The following DIS3L2 variants were observed in gnomAD, a reference collection of about 807,000 sequenced individuals.
The protein encoded by DIS3L2 is DIS3-like exonuclease 2.
DIS3L2 carries 34 observed loss-of-function variants against 97.5 expected under a neutral mutation model. The observed-to-expected ratio is 0.35, with a 90% CI of 0.27 to 0.46. The LOEUF (loss-of-function observed/expected upper bound fraction) is 0.46, where lower values mean the gene tolerates loss of function less well. Ranked by LOEUF, DIS3L2 falls within the 20% of genes least tolerant of loss-of-function variation. The probability of loss-of-function intolerance (pLI) is 1.00; values close to 1 mark genes in which losing one functional copy is unlikely to be tolerated. For synonymous variants in DIS3L2, 435 were observed against 445.2 expected, an observed-to-expected ratio of 0.98 and a Z score of 0.29; for missense variants, 1,038 against 1,146.0, an observed-to-expected ratio of 0.91 and a Z score of 1.36.
chr2:231,986,987 A>G (rs904082235), intron 1 of DIS3L2, among the ~76,000 whole-genome samples: 5 of 152,230 alleles, frequency 3.3e-5, no homozygotes, highest in African/African-American at 1.2e-4. Flanking sequence ...TTAGGTCTGC[A>G]TCTGATTAAC....
chr2:232,187,113 G>T (rs575868456), intron 9 of DIS3L2, among the ~76,000 whole-genome samples: 1 of 152,118 alleles, frequency 6.6e-6, no homozygotes, highest in East Asian at 1.9e-4. Context: ...AAATGGGCAA[G>T]AATTTTAAGA....
Position 232,228,952 on chromosome 2 carries a change from T to C in DIS3L2, c.1205-9581T>C, listed in dbSNP as rs190833654. On this transcript the variant is annotated intron_variant, in intron 10 of 20. Coordinates refer to ENST00000325385, the MANE Select transcript of DIS3L2 (RefSeq NM_152383.5). ...TTTATCCTTATTGCTTTTCCTGCCT[T>C]TGAAAACTGAAAACATTACAAAAGT... is the stretch of plus-strand genomic sequence containing the variant. 2.6e-4 allele frequency among the ~76,000 whole-genome samples: 39 copies of C among 152,348 alleles called. No homozygotes were observed. The East Asian group carries it at 6.9e-3, about 27-fold the overall frequency.
chr2:232,155,324 C>T (rs1003346265), intron 8 of DIS3L2, among the ~76,000 whole-genome samples: 1 of 152,064 alleles, frequency 6.6e-6, no homozygotes, highest in African/African-American at 2.4e-5. Flanking sequence ...CTTTTGTCCT[C>T]CCTCCTCCTC....
At chr2:232,329,785 T>TGCCCGGGGGGGCCCCCCCCCC in intron 14 of DIS3L2, 28 bp from the exon 15 acceptor site, 1 of 967,144 alleles carries the variant, frequency 1.0e-6, no homozygotes, top group Non-Finnish European at 1.5e-6. Context: ...ACCCCAGCGG[T>TGCCCGGGGGGGCCCCCCCCCC]CCCTCCCATC....
At chr2:232,220,538 G>A (rs960675171) in intron 10 of DIS3L2, among the ~76,000 whole-genome samples, 5 of 151,756 alleles carry the variant, frequency 3.3e-5, no homozygotes, top group Non-Finnish European at 5.9e-5. Flanking sequence ...GAAACCCCAT[G>A]TCTACTAAAA....
chr2:232,030,655 A>T (rs1694780334), intron 5 of DIS3L2, among the ~76,000 whole-genome samples: 1 of 152,198 alleles, frequency 6.6e-6, no homozygotes, highest in Non-Finnish European at 1.5e-5. Context: ...TTGGAAAGGA[A>T]GATATGGTTT....
intron 1 of DIS3L2, among the ~76,000 whole-genome samples, chr2:232,006,875 T>G (rs1405638704): frequency 6.6e-6 from 1 of 152,088 alleles, no homozygotes; most frequent in South Asian, 2.1e-4. Flanking sequence ...ACAAGCAAAC[T>G]GAGAGAATGC....
chr2:232,295,402 C>T (rs1282629660), intron 13 of DIS3L2, among the ~76,000 whole-genome samples: 5 of 152,196 alleles, frequency 3.3e-5, no homozygotes, highest in African/African-American at 1.2e-4. Flanking sequence ...TTACTGTTAT[C>T]GCTGCCCATC....
intron 5 of DIS3L2, among the ~76,000 whole-genome samples, chr2:232,048,789 G>A (rs1186515907): frequency 6.6e-6 from 1 of 151,998 alleles, no homozygotes; most frequent in Non-Finnish European, 1.5e-5. Context: ...GTTGAAGGAG[G>A]TTGTTTATTA....
intron 12 of DIS3L2, among the ~76,000 whole-genome samples, chr2:232,257,616 C>A (rs1391052563): frequency 1.3e-5 from 2 of 152,224 alleles, no homozygotes; most frequent in African/African-American, 4.8e-5. Flanking sequence ...CCCGGAGCTC[C>A]TGCAAAAGTG....
chr2:232,204,476 C>T (rs758015570), intron 9 of DIS3L2, among the ~76,000 whole-genome samples: 9 of 152,132 alleles, frequency 5.9e-5, no homozygotes, highest in South Asian at 2.1e-4. Context: ...CCTTCAGTCA[C>T]GTGCCTTCAG....
In DIS3L2 at chr2:232,163,471, G is replaced by C; in HGVS notation, c.963G>C (p.Lys321Asn). 6.2e-7 allele frequency: 1 copy of C among 1,613,954 alleles called. No homozygotes were observed. The highest frequency in any genetic ancestry group is 1.3e-5 in the African/African-American group (1 of 75,042). ...DCNFALGQLA[K>N]SLGQAGEIEP... Reference sequence around the variant, plus strand: ...GTTCTATCCATAGGCAGCTGGCTAAGAGTCTTGGGCAGGCTGGTGAAATTG... The same window carrying C: ...GTTCTATCCATAGGCAGCTGGCTAACAGTCTTGGGCAGGCTGGTGAAATTG... Residue 321 changes from lysine to asparagine, a missense_variant, in exon 9 of 21, where the codon AAG (lysine) becomes AAC (asparagine). Physicochemically the swap from Lys to Asn is moderately conservative, Grantham distance 94. Around this residue, in one of 3 missense-constraint regions of DIS3L2, gnomAD observed 813 missense variants for 880.1 expected, o/e 0.92. Coordinates refer to ENST00000325385, the MANE Select transcript of DIS3L2 (RefSeq NM_152383.5).
intron 11 of DIS3L2, among the ~76,000 whole-genome samples, chr2:232,244,927 T>C (rs143537022): frequency 2.6e-3 from 398 of 152,270 alleles, no homozygotes; most frequent in Non-Finnish European, 3.9e-3. Flanking sequence ...TCTCTGTCAC[T>C]GCTCAGTGAG....
chr2:232,337,442 G>C (rs1482793559), downstream of DIS3L2, among the ~76,000 whole-genome samples: 1 of 152,122 alleles, frequency 6.6e-6, no homozygotes, highest in African/African-American at 2.4e-5. Context: ...GGGCCTGGGG[G>C]AGGGGAGGAG....
At chr2:232,106,746 G>A (rs1347575299) in intron 6 of DIS3L2, among the ~76,000 whole-genome samples, 1 of 152,208 alleles carries the variant, frequency 6.6e-6, no homozygotes, top group Non-Finnish European at 1.5e-5. Context: ...TCTGGATCAA[G>A]TGGACCTGAT....
At chr2:232,077,951 C>CTTTT (rs756033797) in intron 5 of DIS3L2, among the ~76,000 whole-genome samples, 543 of 143,362 alleles carry the variant, frequency 3.8e-3, no homozygotes, top group Non-Finnish European at 6.2e-3. Flanking sequence ...CTTTTTCTTT[C>CTTTT]TTTCTCTTTC....
chr2:232,236,462 C>T (rs1031330533), intron 10 of DIS3L2, among the ~76,000 whole-genome samples: 2 of 152,186 alleles, frequency 1.3e-5, no homozygotes, highest in African/African-American at 4.8e-5. Flanking sequence ...GTTTCAGGCT[C>T]AGCTGGATCC....
intron 1 of DIS3L2, among the ~76,000 whole-genome samples, chr2:232,012,252 G>T (rs1694221083): frequency 6.6e-6 from 1 of 152,148 alleles, no homozygotes; most frequent in African/African-American, 2.4e-5. Context: ...TGTGGGAGCT[G>T]CCAGAGTTAC....
intron 13 of DIS3L2, among the ~76,000 whole-genome samples, chr2:232,274,363 A>G (rs1011260983): frequency 6.6e-6 from 1 of 152,158 alleles, no homozygotes; most frequent in African/African-American, 2.4e-5. Flanking sequence ...CCCTGCCTCC[A>G]TGTCACACTC....
Sources: gnomAD v4.1 joint callset for allele counts (sites outside exome capture counted in the v4.1 genomes callset) on GRCh38, gnomAD v4.1.1 for gene constraint, gnomAD v4.1.1 regional missense constraint, MANE v1.5 for transcripts, NCBI Gene and HGNC (gene_info 2026-07-23, HGNC 2026-07-21) for gene names.